TAF3: variants seen among roughly 807,000 people sequenced by gnomAD.
TAF3 encodes transcription initiation factor TFIID subunit 3.
In TAF3, 7 loss-of-function variants were observed where a neutral mutation model predicts 80.6. The observed-to-expected ratio is 0.09, with a 90% CI of 0.05 to 0.16. The LOEUF is 0.16. Among genes scored for constraint, TAF3 ranks in the 10% least tolerant of loss-of-function variants. TAF3 has a pLI of 1.00. For synonymous variants in TAF3, 444 were observed against 446.1 expected (o/e 1.00, Z 0.06); for missense variants, 921 against 1,140.2 (o/e 0.81, Z 2.77).
chr10:7,934,009 A>G (rs748031184), intron 2 of TAF3, among the ~76,000 whole-genome samples: 42 of 152,330 alleles, frequency 2.8e-4, no homozygotes, highest in Non-Finnish European at 3.7e-4. Context: ...AATGGCTTGT[A>G]GGAAAATCCC....
chr10:7,903,297 C>A (rs1324375043), intron 2 of TAF3, among the ~76,000 whole-genome samples: 1 of 152,052 alleles, frequency 6.6e-6, no homozygotes, highest in Non-Finnish European at 1.5e-5. Context: ...AATGAGAGGC[C>A]CCTACAGGTG....
intron 2 of TAF3, among the ~76,000 whole-genome samples, chr10:7,868,012 G>A (rs1218397454): frequency 2.0e-5 from 3 of 152,122 alleles, no homozygotes; most frequent in African/African-American, 7.2e-5. Context: ...TGGTCATTGA[G>A]TGGAAGTGGG....
chr10:7,954,051 G>A (rs1357041713), intron 2 of TAF3, among the ~76,000 whole-genome samples: 1 of 138,212 alleles, frequency 7.2e-6, no homozygotes, highest in African/African-American at 2.6e-5. Context: ...CACTCCATAG[G>A]CGAATGAGTG....
intron 4 of TAF3, among the ~76,000 whole-genome samples, chr10:8,003,018 T>G (rs1427082508): frequency 2.0e-5 from 3 of 152,200 alleles, no homozygotes; most frequent in African/African-American, 7.2e-5. Context: ...CATCTTTTTA[T>G]AGCCTCTCAC....
intron 2 of TAF3, among the ~76,000 whole-genome samples, chr10:7,919,185 A>C (rs1426072803): frequency 6.6e-6 from 1 of 152,176 alleles, no homozygotes; most frequent in Non-Finnish European, 1.5e-5. Context: ...TGGATGTCCT[A>C]GGAGGCCTAG....
chr10:7,968,181 G>A (rs1271229968), intron 3 of TAF3, among the ~76,000 whole-genome samples: 1 of 152,118 alleles, frequency 6.6e-6, no homozygotes, highest in Admixed American at 6.6e-5. Context: ...CTTTATGTAA[G>A]GCACCAAAGG....
At chr10:7,830,725 C>G (rs187547281) in intron 2 of TAF3, among the ~76,000 whole-genome samples, 441 of 152,198 alleles carry the variant, frequency 2.9e-3, no homozygotes, top group Non-Finnish European at 4.4e-3. Context: ...CTCAAGTGAT[C>G]CGCCAGCCTC....
intron 2 of TAF3, among the ~76,000 whole-genome samples, chr10:7,940,605 T>C (rs1837966856): frequency 1.3e-5 from 2 of 152,184 alleles, no homozygotes; most frequent in Non-Finnish European, 2.9e-5. Flanking sequence ...ATGAAGGGAA[T>C]TATTATTTGA....
intron 2 of TAF3, among the ~76,000 whole-genome samples, chr10:7,848,017 A>T (rs1836989317): frequency 6.6e-6 from 1 of 152,144 alleles, no homozygotes; most frequent in Non-Finnish European, 1.5e-5. Flanking sequence ...TGATCCACCC[A>T]TCTTGGCTTC....
At chr10:7,865,587 C>T (rs1301638854) in intron 2 of TAF3, among the ~76,000 whole-genome samples, 2 of 152,168 alleles carry the variant, frequency 1.3e-5, no homozygotes, top group Non-Finnish European at 2.9e-5. Flanking sequence ...TGGAGGTGGG[C>T]GTAGTAACAG....
intron 3 of TAF3, among the ~76,000 whole-genome samples, chr10:7,974,695 A>C (rs1831653530): frequency 6.6e-6 from 1 of 152,170 alleles, no homozygotes; most frequent in Admixed American, 6.5e-5. Context: ...CAGACAATGA[A>C]GTGAAGATTG....
At chr10:7,941,633 A>T (rs1837977171) in intron 2 of TAF3, among the ~76,000 whole-genome samples, 1 of 152,230 alleles carries the variant, frequency 6.6e-6, no homozygotes, top group African/African-American at 2.4e-5. Context: ...TGCTGCGCCG[A>T]TGCCTTCGAG....
chr10:7,995,001 A>AAG (rs1295883918), intron 4 of TAF3, among the ~76,000 whole-genome samples: 1 of 151,436 alleles, frequency 6.6e-6, no homozygotes, highest in Non-Finnish European at 1.5e-5. Context: ...AAAAAGAAAA[A>AAG]AGAAATCCTG....
chr10:7,999,629 G>C (rs1049264482), intron 4 of TAF3, among the ~76,000 whole-genome samples: 1 of 152,022 alleles, frequency 6.6e-6, no homozygotes, highest in Non-Finnish European at 1.5e-5. Flanking sequence ...GCTAATTTTT[G>C]TATTTTTAGG....
At chr10:7,848,550 C>T (rs1836995795) in intron 2 of TAF3, among the ~76,000 whole-genome samples, 1 of 102,514 alleles carries the variant, frequency 9.8e-6, no homozygotes, top group South Asian at 3.8e-4. Context: ...CCAGGTCCCT[C>T]GACCTGGTCC....
Position 7,837,311 on chromosome 10 carries a change from C to T in TAF3, c.409+12751C>T, listed in dbSNP as rs183717230. Among the ~76,000 whole-genome samples the T allele has an allele frequency of 7.0e-4, 99 of 140,900 alleles. 1 individual carries two copies. Among genetic ancestry groups the T allele is most frequent in the Admixed American group, 5.2e-3 (71 of 13,648 alleles). The allele number at this position is 140,900 out of a possible 152,430, so 92.4% of individuals were successfully genotyped here. On this transcript the variant is annotated intron_variant, in intron 2 of 6. Coordinates refer to ENST00000344293, the MANE Select transcript of TAF3 (RefSeq NM_031923.4). ...CAGGGAGGTGGAGGTTGCAGTGAGCCGAGATTGCACCACTGTGCTCCAGTC... is the reference window on the plus strand; with the variant it reads ...CAGGGAGGTGGAGGTTGCAGTGAGCTGAGATTGCACCACTGTGCTCCAGTC...
At chr10:7,856,281 G>T (rs1025496403) in intron 2 of TAF3, among the ~76,000 whole-genome samples, 2 of 152,108 alleles carry the variant, frequency 1.3e-5, no homozygotes, top group African/African-American at 2.4e-5. Context: ...TTCGAGACCA[G>T]CCTGGCCAGC....
intron 2 of TAF3, among the ~76,000 whole-genome samples, chr10:7,948,668 A>G (rs1838050860): frequency 6.6e-6 from 1 of 152,218 alleles, no homozygotes; most frequent in Non-Finnish European, 1.5e-5. Context: ...TGCCTCCTAA[A>G]TAGGAAGATG....
chr10:7,852,538 C>T (rs1368205113), intron 2 of TAF3, among the ~76,000 whole-genome samples: 2 of 152,076 alleles, frequency 1.3e-5, no homozygotes, highest in Non-Finnish European at 2.9e-5. Flanking sequence ...TTCACGTGGT[C>T]CTCTGTTTAT....
Sources: gnomAD v4.1 joint callset for allele counts (sites outside exome capture counted in the v4.1 genomes callset) on GRCh38, gnomAD v4.1.1 for gene constraint, MANE v1.5 for transcripts, NCBI Gene and HGNC (gene_info 2026-07-23, HGNC 2026-07-21) for gene names.